RASL10A: variants seen among roughly 807,000 people sequenced by gnomAD.
The protein encoded by RASL10A is RAS like family 10 member A.
Under a neutral mutation model 17.3 loss-of-function variants are expected in RASL10A, and 13 were observed. That is an observed-to-expected ratio of 0.75 (90% CI 0.49 to 1.20). The LOEUF (loss-of-function observed/expected upper bound fraction) is 1.20, where lower values mean the gene tolerates loss of function less well. Among genes scored for constraint, RASL10A ranks in the 50% most tolerant of loss-of-function variants. The pLI is 0.00. For synonymous variants in RASL10A, 159 were observed against 142.2 expected, an observed-to-expected ratio of 1.12 and a Z score of -0.84; for missense variants, 307 against 310.3, an observed-to-expected ratio of 0.99 and a Z score of 0.08.
upstream of RASL10A, chr22:29,317,086 TCTC>T (rs1350095184): frequency 1.3e-5 from 2 of 150,078 alleles, no homozygotes; most frequent in African/African-American, 4.8e-5. Context: ...CTTTCACTCC[TCTC>T]CTCAGCCACT....
At position 29,313,428 on chromosome 22, in the gene RASL10A, T is replaced by G; in HGVS notation, c.485A>C (p.Lys162Thr). ...GAGACGCAGCACGTGCCAGTTGTAC[T>G]TGGCGGAGCACTCGAGGTAGCCGCA... ...WRCGYLECSA[K>T]YNWHVLRLFR... Residue 162 changes from lysine to threonine, a missense_variant, in exon 3 of 3, where the codon AAG becomes ACG. By Grantham distance (78) the Lys-to-Thr change is moderately conservative. Transcript: ENST00000216101. The G allele has an allele frequency of 1.3e-6, 2 of 1,541,336 alleles. No individual in the cohort carries two copies. Among genetic ancestry groups the G allele is most frequent in the Non-Finnish European group, 1.7e-6 (2 of 1,146,928 alleles).
chr22:29,317,296 G>A (rs141938377), upstream of RASL10A: 2,660 of 152,416 alleles, frequency 0.017, 62 homozygotes, highest in African/African-American at 0.06. Flanking sequence ...GAGTGCAGTG[G>A]TGTGATCTTA....
chr22:29,313,611 C>G, intron 2 of RASL10A, 43 bp from the exon 3 acceptor site: 3 of 1,490,054 alleles, frequency 2.0e-6, no homozygotes, highest in South Asian at 1.3e-5. Flanking sequence ...ACCCCACGGC[C>G]GGAGAATTCC....
upstream of RASL10A, among the ~76,000 whole-genome samples, chr22:29,316,255 T>C (rs2061453718): frequency 6.6e-6 from 1 of 152,154 alleles, no homozygotes; most frequent in Admixed American, 6.5e-5. Flanking sequence ...GGGGGGGCCC[T>C]TGAAGTCTCC....
At chr22:29,318,360 A>G (rs1457954477), upstream of RASL10A, among the ~76,000 whole-genome samples, 2 of 152,224 alleles carry the variant, frequency 1.3e-5, no homozygotes, top group African/African-American at 2.4e-5. Flanking sequence ...GGAAAATGGC[A>G]GCACAGGGGC....
At chr22:29,313,798 T>C in intron 2 of RASL10A, 65 bp downstream of exon 2, 1 of 1,596,368 alleles carries the variant, frequency 6.3e-7, no homozygotes, top group Non-Finnish European at 8.5e-7. Context: ...CTACACACTC[T>C]CCTCAGGCAA....
Position 29,313,980 on chromosome 22 carries a change from G to C in RASL10A, c.227C>G (p.Pro76Arg), listed in dbSNP as rs781171710. ...GSSPGGPEEW[P>R]DAKDWSLQDT... is the part of the protein sequence containing the mutation. Reference sequence around the variant, plus strand: ...CTGCAAGCTCCAGTCCTTAGCGTCTGGCCACTCCTGGGGACAGGAGGCCAG... The same window carrying C: ...CTGCAAGCTCCAGTCCTTAGCGTCTCGCCACTCCTGGGGACAGGAGGCCAG... The change falls in exon 2 of 3, where the codon CCA (proline) becomes CGA (arginine). Residue 76 changes from proline (P) to arginine (R), a missense_variant. By Grantham distance (103) the Pro-to-Arg change is moderately radical. Transcript: ENST00000216101. 6.8e-6 allele frequency: 11 copies of C among 1,613,280 alleles called. No individual in the cohort carries two copies. In the East Asian group the frequency reaches 8.9e-5, roughly 13 times the overall value.
upstream of RASL10A, chr22:29,316,876 G>A (rs929996774): frequency 6.6e-6 from 1 of 152,110 alleles, no homozygotes; most frequent in Non-Finnish European, 1.5e-5. Flanking sequence ...TGGGAGAGAA[G>A]GTTCTAGAAC....
At chr22:29,314,874 G>C (rs1300415031) in intron 1 of RASL10A, among the ~76,000 whole-genome samples, 154 bp downstream of exon 1, 1 of 152,236 alleles carries the variant, frequency 6.6e-6, no homozygotes, top group Non-Finnish European at 1.5e-5. Context: ...TCGGCGGGAA[G>C]GGCTGAAACG....
At chr22:29,314,257 G>A (rs2061439429) in intron 1 of RASL10A, 4 of 376,978 alleles carry the variant, frequency 1.1e-5, no homozygotes, top group Middle Eastern at 1.5e-3. Flanking sequence ...CCCCAACTCG[G>A]CTCAGGCCGC....
rs2061432371 is a variant in RASL10A at position 29,313,471 on chromosome 22, C to G, written c.442G>C (p.Val148Leu). 1 of 1,548,146 alleles carries G rather than the reference C, an allele frequency of 6.5e-7. No individual in the cohort carries two copies. Among genetic ancestry groups the G allele is most frequent in the Non-Finnish European group, 8.7e-7 (1 of 1,152,930 alleles). The part of the protein sequence containing the change: ...FGPRRALAAL[V>L]RRGWRCGYLE... ...TAGCCGCAGCGCCAGCCCCTGCGCA[C>G]TAGGGCGGCCAGCGCGCGCCGCGGT... is the stretch of plus-strand genomic sequence containing the variant. Residue 148 changes from valine (V) to leucine (L), a missense_variant, in exon 3 of 3, where the codon GTG becomes CTG. Transcript: ENST00000216101.
chr22:29,318,365 A>C (rs1457495382), upstream of RASL10A, among the ~76,000 whole-genome samples: 1 of 152,022 alleles, frequency 6.6e-6, no homozygotes, highest in Non-Finnish European at 1.5e-5. Context: ...ATGGCAGCAC[A>C]GGGGCCGGAA....
At chr22:29,315,909 C>T (rs990478611), upstream of RASL10A, among the ~76,000 whole-genome samples, 1 of 152,194 alleles carries the variant, frequency 6.6e-6, no homozygotes, top group Admixed American at 6.5e-5. This position sits in a 1 kb window ranked among gnomAD's most constrained non-coding sequence, Gnocchi z 5.5. Flanking sequence ...AAAATAGAAG[C>T]CCCTTCCCAC....
chr22:29,318,779 G>A (rs1018124534), upstream of RASL10A, among the ~76,000 whole-genome samples: 2 of 152,230 alleles, frequency 1.3e-5, no homozygotes, highest in Non-Finnish European at 2.9e-5. Flanking sequence ...CAGGGCTCCA[G>A]GGACCACCTG....
Position 29,315,406 on chromosome 22 carries a change from C to A in RASL10A, c.-160G>T, listed in dbSNP as rs1289019840. 23 of 373,724 alleles carry A rather than the reference C, an allele frequency of 6.2e-5. No homozygotes were observed. The highest frequency in any genetic ancestry group is 1.0e-4 in the Non-Finnish European group (23 of 228,084). 23.2% of individuals were successfully genotyped at this position (373,724 alleles called of 1,614,324 possible). The stretch of plus-strand genomic sequence containing the variant: ...AGCACCGAGACCGGAGAGGGCAGGC[C>A]CGAGGCAGGAGCTGGCGGCGGGAGG... On this transcript the variant is annotated 5_prime_UTR_variant, in exon 1 of 3. Transcript: ENST00000216101. The surrounding 1 kb of genome is among the most constrained non-coding windows in gnomAD (Gnocchi z 5.5).
At chr22:29,314,212 C>A in intron 1 of RASL10A, 1 of 548,696 alleles carries the variant, frequency 1.8e-6, no homozygotes, top group Non-Finnish European at 3.2e-6. Flanking sequence ...TTGGTCTCCC[C>A]TCTGTTTACC....
chr22:29,317,641 C>T (rs761037825), upstream of RASL10A, among the ~76,000 whole-genome samples: 4 of 152,036 alleles, frequency 2.6e-5, no homozygotes, highest in Non-Finnish European at 5.9e-5. Flanking sequence ...CTCAGCAACA[C>T]AACAACAAAA....
intron 1 of RASL10A, 177 bp from the exon 2 acceptor site, chr22:29,314,164 A>T (rs2061438967): frequency 1.3e-6 from 1 of 788,588 alleles, no homozygotes; most frequent in Non-Finnish European, 1.9e-6. Context: ...AAATTTTCCA[A>T]ATCGTGCCTG....
At chr22:29,317,505 C>A (rs552563884), upstream of RASL10A, among the ~76,000 whole-genome samples, 2 of 152,232 alleles carry the variant, frequency 1.3e-5, no homozygotes, top group South Asian at 4.1e-4. Context: ...TCCAAAAGTG[C>A]GAGGATTACA....
Sources: allele counts gnomAD v4.1 joint callset (sites outside exome capture counted in the v4.1 genomes callset), GRCh38; gene constraint gnomAD v4.1.1; non-coding constraint Gnocchi (gnomAD v3.1); transcripts MANE v1.5; gene names NCBI Gene and HGNC (gene_info 2026-07-23, HGNC 2026-07-21).